Variants in CHRNA7 observed in about 807,000 individuals in gnomAD.
CHRNA7 encodes the protein cholinergic receptor nicotinic alpha 7 subunit.
Under a neutral mutation model 48.0 loss-of-function variants are expected in CHRNA7, and 17 were observed. That is an observed-to-expected ratio of 0.35 (90% confidence interval 0.24 to 0.53). The LOEUF is 0.53. Among genes scored for constraint, CHRNA7 ranks in the 20% least tolerant of loss-of-function variants. The pLI, the probability that CHRNA7 is intolerant of heterozygous loss-of-function variation, is 0.92. For missense variants in CHRNA7, 155 were observed against 577.7 expected, an observed-to-expected ratio of 0.27 and a Z score of 7.50; for synonymous variants, 75 against 242.3, an observed-to-expected ratio of 0.31 and a Z score of 6.41.
chr15:32,145,812 C>A (rs896276406), intron 4 of CHRNA7, among the ~76,000 whole-genome samples: 1 of 152,174 alleles, frequency 6.6e-6, no homozygotes, highest in African/African-American at 2.4e-5. Context: ...ACTGTTTTTC[C>A]AGGTACAGTC....
intron 4 of CHRNA7, among the ~76,000 whole-genome samples, chr15:32,150,076 G>A (rs1020870505): frequency 1.3e-5 from 2 of 151,938 alleles, no homozygotes; most frequent in African/African-American, 2.4e-5. Flanking sequence ...ATTAGAGACA[G>A]GGTCTCGCTC....
intron 4 of CHRNA7, among the ~76,000 whole-genome samples, chr15:32,144,209 T>C (rs1422391905): frequency 1.3e-5 from 2 of 152,218 alleles, no homozygotes; most frequent in African/African-American, 4.8e-5. Flanking sequence ...AAATTCTGGG[T>C]TGAAAATTCT....
At chr15:32,041,635 A>G (rs1456258124) in intron 2 of CHRNA7, among the ~76,000 whole-genome samples, 3 of 152,130 alleles carry the variant, frequency 2.0e-5, no homozygotes, top group African/African-American at 4.8e-5. Context: ...TTCCCATCAC[A>G]CATATGTTAC....
chr15:32,076,649 C>A (rs1330665251), intron 2 of CHRNA7, among the ~76,000 whole-genome samples: 2 of 152,058 alleles, frequency 1.3e-5, no homozygotes, highest in African/African-American at 4.8e-5. Flanking sequence ...AGGTTTACAA[C>A]AAAATTGAAC....
chr15:32,069,070 A>G (rs1201948367), intron 2 of CHRNA7, among the ~76,000 whole-genome samples: 1 of 152,212 alleles, frequency 6.6e-6, no homozygotes, highest in Non-Finnish European at 1.5e-5. Context: ...TAAAGCAATA[A>G]TTAAAATCTG....
chr15:32,097,573 C>T (rs993587472), intron 2 of CHRNA7, among the ~76,000 whole-genome samples: 2 of 152,192 alleles, frequency 1.3e-5, no homozygotes, highest in African/African-American at 4.8e-5. Flanking sequence ...GCCGCCAGAA[C>T]TGTGAGAAAC....
At chr15:32,046,105 T>C (rs1459673709) in intron 2 of CHRNA7, among the ~76,000 whole-genome samples, 1 of 152,076 alleles carries the variant, frequency 6.6e-6, no homozygotes, top group African/African-American at 2.4e-5. Context: ...TCTTTGCTAT[T>C]GTGAATAGGG....
chr15:32,058,239 C>T (rs529828229), intron 2 of CHRNA7, among the ~76,000 whole-genome samples: 2 of 152,308 alleles, frequency 1.3e-5, no homozygotes, highest in African/African-American at 4.8e-5. Flanking sequence ...CATCCTCTTC[C>T]ATGCACAAAG....
intron 2 of CHRNA7, among the ~76,000 whole-genome samples, chr15:32,084,502 G>T (rs1400321255): frequency 6.6e-6 from 1 of 152,202 alleles, no homozygotes; most frequent in Non-Finnish European, 1.5e-5. Context: ...GCCCCTTTAG[G>T]TCAGGGTTGG....
At chr15:32,046,686 T>A (rs1349190565) in intron 2 of CHRNA7, among the ~76,000 whole-genome samples, 1 of 136,718 alleles carries the variant, frequency 7.3e-6, no homozygotes, top group Non-Finnish European at 1.5e-5. Context: ...AGATTCCATT[T>A]GTCAATTTTG....
At chr15:32,151,799 A>T (rs2051635464) in intron 4 of CHRNA7, among the ~76,000 whole-genome samples, 1 of 151,298 alleles carries the variant, frequency 6.6e-6, no homozygotes, top group Non-Finnish European at 1.5e-5. Flanking sequence ...TTCTTTTTGG[A>T]TCTTTTTTGG....
At chr15:32,038,056 G>GTATA (rs71424637) in intron 2 of CHRNA7, among the ~76,000 whole-genome samples, 80,905 of 144,004 alleles carry the variant, frequency 0.56, 25,952 homozygotes, top group Non-Finnish European at 0.72. Flanking sequence ...TTTTGGATAT[G>GTATA]TATATATATA....
At chr15:32,037,104 A>G (rs946662546) in intron 2 of CHRNA7, among the ~76,000 whole-genome samples, 1 of 152,076 alleles carries the variant, frequency 6.6e-6, no homozygotes, top group African/African-American at 2.4e-5. Flanking sequence ...GTTAATTTTT[A>G]TGAAGGGTGT....
chr15:32,063,449 A>G (rs1178477545), intron 2 of CHRNA7, among the ~76,000 whole-genome samples: 1 of 152,176 alleles, frequency 6.6e-6, no homozygotes. Context: ...TACATAGGAC[A>G]AAGTCTAGGA....
chr15:32,046,102 T>C lies in CHRNA7; in HGVS notation c.195+15065T>C, dbSNP rs569789388. 2.4e-3 allele frequency among the ~76,000 whole-genome samples: 371 copies of C among 152,226 alleles called. 1 individual carries two copies. Among genetic ancestry groups the C allele is most frequent in the Middle Eastern group, 6.8e-3 (2 of 294 alleles). ...ATTTGGCTTGGTTCCAAGTCTTTGC[T>C]ATTGTGAATAGGGCCACAATAAACA... is the stretch of plus-strand genomic sequence containing the variant. On this transcript the variant is annotated intron_variant, in intron 2 of 9. Transcript: ENST00000306901.
chr15:32,170,410 A>G lies in CHRNA7; in HGVS notation c.*1952A>G, dbSNP rs1439512518. ...TCCTTCCACATGCTATGGATGAACCATGCACAAGATTTTCGGTTTTTTTTT... is the reference window on the plus strand; with the variant it reads ...TCCTTCCACATGCTATGGATGAACCGTGCACAAGATTTTCGGTTTTTTTTT... On this transcript the variant is annotated 3_prime_UTR_variant, in exon 10 of 10. Coordinates refer to ENST00000306901, the MANE Select transcript of CHRNA7 (RefSeq NM_000746.6). 1 of 119,940 alleles carries G rather than the reference A, an allele frequency of 8.3e-6. No individual in the cohort carries two copies. The highest frequency in any genetic ancestry group is 1.7e-5 in the Non-Finnish European group (1 of 57,356). The allele number at this position is 119,940 out of a possible 1,614,324, so 7.4% of individuals were successfully genotyped here.
At chr15:32,113,462 A>G (rs1425417670) in intron 4 of CHRNA7, among the ~76,000 whole-genome samples, 1 of 152,214 alleles carries the variant, frequency 6.6e-6, no homozygotes, top group Admixed American at 6.5e-5. Flanking sequence ...AGGGCATTGT[A>G]TCTGACTTTT....
intron 4 of CHRNA7, among the ~76,000 whole-genome samples, chr15:32,146,283 T>C (rs1164272815): frequency 1.3e-5 from 2 of 152,206 alleles, no homozygotes; most frequent in African/African-American, 4.8e-5. Context: ...CCATTTGTAA[T>C]TGGAAGAAGT....
chr15:32,124,827 TAAG>T (rs917984099), intron 4 of CHRNA7, among the ~76,000 whole-genome samples: 1 of 152,208 alleles, frequency 6.6e-6, no homozygotes, highest in African/African-American at 2.4e-5. Context: ...AGTGTCCTTA[TAAG>T]AAGAGACACA....
Sources: allele counts gnomAD v4.1 joint callset (sites outside exome capture counted in the v4.1 genomes callset), GRCh38; gene constraint gnomAD v4.1.1; transcripts MANE v1.5; gene names NCBI Gene and HGNC (gene_info 2026-07-23, HGNC 2026-07-21).